SOCS7: variants seen among roughly 807,000 people sequenced by gnomAD.
SOCS7 encodes suppressor of cytokine signaling 7, also known as NAP-4.
SOCS7 carries 18 observed loss-of-function variants against 58.9 expected under a neutral mutation model. That is an observed-to-expected ratio of 0.31 (90% CI 0.21 to 0.45). SOCS7 has a LOEUF of 0.45. Among genes scored for constraint, SOCS7 ranks in the 20% least tolerant of loss-of-function variants. The pLI, the probability that SOCS7 is intolerant of heterozygous loss-of-function variation, is 1.00. For missense variants in SOCS7, 667 were observed against 837.3 expected (o/e 0.80, Z 2.51); for synonymous variants, 388 against 364.3 (o/e 1.06, Z -0.74).
At chr17:38,358,060 A>G (rs1035201902) in intron 1 of SOCS7, among the ~76,000 whole-genome samples, 5 of 152,186 alleles carry the variant, frequency 3.3e-5, no homozygotes, top group South Asian at 4.1e-4. Flanking sequence ...AGCTGACACA[A>G]AGGACTGCTG....
rs1177978429 is a variant in SOCS7 at position 38,352,660 on chromosome 17, G to A, written c.608G>A (p.Ser203Asn). 6 of 1,549,886 alleles carry A rather than the reference G, an allele frequency of 3.9e-6. No individual in the cohort carries two copies. Among genetic ancestry groups the A allele is most frequent in the South Asian group, 1.2e-5 (1 of 84,044 alleles). ...TNSCSEEELS[S>N]PGRGGGGGGR... is the part of the protein sequence containing the mutation. ...AGCTGCTCGGAAGAGGAGCTCAGCA[G>A]CCCGGGTCGCGGAGGAGGAGGGGGC... The change falls in exon 1 of 10, where the codon AGC becomes AAC. Residue 203 changes from serine to asparagine, a missense_variant. Ser to Asn is a conservative substitution (Grantham distance 46). This residue lies in a region of SOCS7 where 208 missense variants were observed against 190.3 expected (regional missense o/e 1.09). Transcript: ENST00000612932. This position sits in a 1 kb window ranked among gnomAD's most constrained non-coding sequence, Gnocchi z 5.5.
chr17:38,388,132 CACCTTTA>C (rs1427006072), intron 7 of SOCS7, among the ~76,000 whole-genome samples: 1 of 152,078 alleles, frequency 6.6e-6, no homozygotes, highest in Non-Finnish European at 1.5e-5. Flanking sequence ...CGTATTGTCT[CACCTTTA>C]ACCAGCAGAA....
At chr17:38,365,901 A>C in intron 4 of SOCS7, 1 of 827,838 alleles carries the variant, frequency 1.2e-6, no homozygotes, top group African/African-American at 1.8e-5. Flanking sequence ...TTGCCTGGCA[A>C]AATCATTACT....
At chr17:38,359,686 A>G (rs942463952) in intron 1 of SOCS7, among the ~76,000 whole-genome samples, 2 of 151,830 alleles carry the variant, frequency 1.3e-5, no homozygotes, top group Non-Finnish European at 2.9e-5. Context: ...CTATAATGCT[A>G]GGAGACAGGC....
intron 9 of SOCS7, 45 bp downstream of exon 9, chr17:38,396,043 C>T: frequency 6.7e-7 from 1 of 1,489,776 alleles, no homozygotes. Flanking sequence ...TCTTCCTGGG[C>T]AGTCATCATC....
chr17:38,365,267 G>A, intron 3 of SOCS7, 41 bp from the exon 4 acceptor site: 1 of 1,477,476 alleles, frequency 6.8e-7, no homozygotes, highest in South Asian at 1.2e-5. Flanking sequence ...CTCATTCTGT[G>A]CTCACATTTC....
At chr17:38,395,754 A>G (rs1353553346) in intron 8 of SOCS7, 94 bp from the exon 9 acceptor site, 1 of 1,289,352 alleles carries the variant, frequency 7.8e-7, no homozygotes, top group Non-Finnish European at 1.1e-6. Context: ...GGTCTCAACC[A>G]TGTAGGGAGT....
At position 38,376,297 on chromosome 17, in the gene SOCS7, ACAGCTTAG is replaced by A. The variant is rs2037930126; in HGVS notation, c.1553-1414_1553-1407del. On this transcript the variant is annotated intron_variant, in intron 6 of 9. Transcript: ENST00000612932. ...CCCACACACCCACACTCAGACTGGC[ACAGCTTAG>A]CATGCCATTTCACCTTACACGCACA... Among the ~76,000 whole-genome samples the A allele has an allele frequency of 2.0e-5, 3 of 152,254 alleles. No individual in the cohort carries two copies. The South Asian group carries it at 6.2e-4, about 32-fold the overall frequency.
At chr17:38,391,400 T>C (rs2038171763) in intron 7 of SOCS7, among the ~76,000 whole-genome samples, 1 of 152,094 alleles carries the variant, frequency 6.6e-6, no homozygotes, top group Non-Finnish European at 1.5e-5. Context: ...TAGCTGAATA[T>C]CTTTTTTTTA....
chr17:38,385,175 T>C (rs1291128137), intron 7 of SOCS7, among the ~76,000 whole-genome samples: 1 of 152,018 alleles, frequency 6.6e-6, no homozygotes, highest in Non-Finnish European at 1.5e-5. Flanking sequence ...GGATTACAGG[T>C]GTGAGCCACC....
Position 38,366,260 on chromosome 17 carries a change from A to G in SOCS7, c.1253-27A>G, listed in dbSNP as rs202212370. On this transcript the variant is annotated intron_variant, in intron 4 of 9. Transcript: ENST00000612932. Reference sequence around the variant, plus strand: ...TGGTTGGGAGCAGTGAGGGTAAACAAGTGACCACCACTGTCTTGCCCTGCA... The same window carrying G: ...TGGTTGGGAGCAGTGAGGGTAAACAGGTGACCACCACTGTCTTGCCCTGCA... 491 of 1,610,736 alleles carry G rather than the reference A, an allele frequency of 3.0e-4. 4 individuals are homozygous for G. In the South Asian group the frequency reaches 4.2e-3, roughly 14 times the overall value.
chr17:38,361,983 G>T (rs2037726518), intron 2 of SOCS7, among the ~76,000 whole-genome samples: 1 of 152,188 alleles, frequency 6.6e-6, no homozygotes, highest in Non-Finnish European at 1.5e-5. Flanking sequence ...GGAGGTAAAG[G>T]CTGCTTGTTG....
chr17:38,395,992 A>AC lies in SOCS7; in HGVS notation c.*26dup. On this transcript the variant is annotated 3_prime_UTR_variant, in exon 9 of 10. Coordinates refer to ENST00000612932, the MANE Select transcript of SOCS7 (RefSeq NM_014598.4). ...AGCGAGGGGCTCCCTGCTGGTCACC[A>AC]CCAAGGGTATGAGCTCTCTGCCTCA... 6.3e-7 allele frequency: 1 copy of AC among 1,586,898 alleles called. No homozygotes were observed. The highest frequency in any genetic ancestry group is 1.2e-5 in the South Asian group (1 of 86,586).
At chr17:38,367,278 T>G (rs957970033) in intron 5 of SOCS7, among the ~76,000 whole-genome samples, 74 of 152,154 alleles carry the variant, frequency 4.9e-4, no homozygotes, top group African/African-American at 1.7e-3. Flanking sequence ...TTGGCCAGGC[T>G]GGTCTTGAAC....
chr17:38,382,488 T>G (rs59355476), intron 7 of SOCS7, among the ~76,000 whole-genome samples: 13,977 of 150,128 alleles, frequency 0.093, 760 homozygotes, highest in East Asian at 0.19. Context: ...ACAGCTCATT[T>G]TTGTTTGTTT....
chr17:38,357,606 A>G (rs1301669007), intron 1 of SOCS7, among the ~76,000 whole-genome samples: 1 of 152,200 alleles, frequency 6.6e-6, no homozygotes, highest in Non-Finnish European at 1.5e-5. Flanking sequence ...ATGTCTGTGT[A>G]TTGGAACTAA....
At chr17:38,379,262 T>C (rs1045296902) in intron 7 of SOCS7, among the ~76,000 whole-genome samples, 2 of 151,462 alleles carry the variant, frequency 1.3e-5, no homozygotes, top group Non-Finnish European at 2.9e-5. Context: ...GCAGATCACC[T>C]GAGGTCAGGA....
chr17:38,385,759 T>C (rs1018358457), intron 7 of SOCS7, among the ~76,000 whole-genome samples: 4 of 152,230 alleles, frequency 2.6e-5, no homozygotes, highest in Non-Finnish European at 1.5e-5. Flanking sequence ...ATTTACTTAT[T>C]GAATAATTGG....
At chr17:38,365,549 G>A in intron 4 of SOCS7, 140 bp downstream of exon 4, 1 of 534,644 alleles carries the variant, frequency 1.9e-6, no homozygotes, top group Non-Finnish European at 3.1e-6. Context: ...GGCTGGACCA[G>A]ACTCCTTAGA....
Sources: gnomAD v4.1 joint callset for allele counts (sites outside exome capture counted in the v4.1 genomes callset) on GRCh38, gnomAD v4.1.1 for gene constraint, gnomAD v4.1.1 regional missense constraint, Gnocchi (gnomAD v3.1) non-coding constraint, MANE v1.5 for transcripts, NCBI Gene and HGNC (gene_info 2026-07-23, HGNC 2026-07-21) for gene names.